The following ANKRD45 variants were observed in gnomAD, a reference collection of about 807,000 sequenced individuals.
ANKRD45 encodes the protein ankyrin repeat domain 45, also known as ankyrin repeat domain-containing protein 45.
In ANKRD45, 21 loss-of-function variants were observed where a neutral mutation model predicts 28.1. The observed-to-expected ratio is 0.75, with a 90% CI of 0.53 to 1.08. The LOEUF is 1.08. ANKRD45 is among the 50% of genes least tolerant of loss of function. The pLI is 0.00. For missense variants in ANKRD45, 261 were observed against 308.7 expected (o/e 0.85, Z 1.16); for synonymous variants, 86 against 103.9 (o/e 0.83, Z 1.05).
intron 2 of ANKRD45, chr1:173,658,616 G>A (rs1432618061): frequency 6.6e-6 from 1 of 151,802 alleles, no homozygotes; most frequent in Admixed American, 6.6e-5. Context: ...TTTGCAATCT[G>A]AAAAAATAAT....
At chr1:173,691,137 A>T in the ANKRD45 span, among the ~76,000 whole-genome samples, 1 of 152,124 alleles carries the variant, frequency 6.6e-6, no homozygotes, top group Non-Finnish European at 1.5e-5. Context: ...CCAGGGAAAT[A>T]CTTTACTGGC....
the ANKRD45 span, among the ~76,000 whole-genome samples, chr1:173,695,655 G>A: frequency 3.9e-5 from 6 of 152,252 alleles, no homozygotes; most frequent in Admixed American, 6.5e-5. Context: ...CTAGTGCTGC[G>A]ATAAGCATAT....
At chr1:173,619,565 T>C (rs148583369) in intron 5 of ANKRD45, among the ~76,000 whole-genome samples, 2 of 152,232 alleles carry the variant, frequency 1.3e-5, no homozygotes, top group African/African-American at 4.8e-5. Context: ...TGGTGGCTCA[T>C]GCCTGTAATC....
the ANKRD45 span, among the ~76,000 whole-genome samples, chr1:173,697,497 T>TG: frequency 6.6e-6 from 1 of 151,894 alleles, no homozygotes; most frequent in African/African-American, 2.4e-5. Context: ...CAGAAGAGAG[T>TG]GGGGGCCAAT....
At chr1:173,620,940 A>C (rs910752979) in intron 5 of ANKRD45, among the ~76,000 whole-genome samples, 18 of 152,194 alleles carry the variant, frequency 1.2e-4, no homozygotes, top group Non-Finnish European at 2.1e-4. Context: ...GAAAAGCAGA[A>C]GAATCAAATA....
chr1:173,616,565 G>T (rs182902382), intron 5 of ANKRD45, among the ~76,000 whole-genome samples: 1 of 152,252 alleles, frequency 6.6e-6, no homozygotes, highest in East Asian at 1.9e-4. Flanking sequence ...TAAGGTGTGA[G>T]AATTATATCT....
chr1:173,702,312 A>G, the ANKRD45 span, among the ~76,000 whole-genome samples: 186 of 152,344 alleles, frequency 1.2e-3, no homozygotes, highest in African/African-American at 4.3e-3. Flanking sequence ...AGAAGTATCA[A>G]TGTACCTCCA....
At chr1:173,699,502 G>T in the ANKRD45 span, among the ~76,000 whole-genome samples, 1 of 152,100 alleles carries the variant, frequency 6.6e-6, no homozygotes, top group Non-Finnish European at 1.5e-5. Context: ...ACCCTGGGAT[G>T]CAAGGCTGGT....
intron 1 of ANKRD45, among the ~76,000 whole-genome samples, chr1:173,665,705 T>G (rs1376083555): frequency 6.6e-6 from 1 of 152,168 alleles, no homozygotes; most frequent in African/African-American, 2.4e-5. Flanking sequence ...AAATTAATAT[T>G]TATATTGGAA....
At chr1:173,665,925 A>G (rs1243838558) in intron 1 of ANKRD45, among the ~76,000 whole-genome samples, 2 of 152,036 alleles carry the variant, frequency 1.3e-5, no homozygotes, top group African/African-American at 4.8e-5. Context: ...GAGGTGAGAG[A>G]ATCGCTTGAG....
At position 173,632,538 on chromosome 1, in the gene ANKRD45, A is replaced by G. The variant is rs567189689; in HGVS notation, c.497-5379T>C. On this transcript the variant is annotated intron_variant, in intron 3 of 5. Coordinates refer to ENST00000333279, the MANE Select transcript of ANKRD45 (RefSeq NM_198493.3). ...CGGACAAAGACACATCAAAAAAAAA[A>G]AAAACAAAACAAAACCCCAAAACTA... is the stretch of plus-strand genomic sequence containing the variant. Among the ~76,000 whole-genome samples, 4 of 151,854 alleles carry G rather than the reference A, an allele frequency of 2.6e-5. No homozygotes were observed. In the East Asian group the frequency reaches 7.7e-4, roughly 29 times the overall value.
rs374030399 is a variant in ANKRD45, at chr1:173,659,081, G to T, written c.328+10C>A. ...TAAGTAATACTGATGAGAGAAAAAA[G>T]ACAAAATACCTCTGGTGGTTTTTTC... is the stretch of plus-strand genomic sequence containing the variant. On this transcript the variant is annotated intron_variant, in intron 2 of 5. Coordinates refer to ENST00000333279, the MANE Select transcript of ANKRD45 (RefSeq NM_198493.3). 318 of 1,610,656 alleles carry T rather than the reference G, an allele frequency of 2.0e-4. No homozygotes were observed. Among genetic ancestry groups the T allele is most frequent in the Admixed American group, 2.2e-4 (13 of 59,470 alleles).
At chr1:173,693,004 GC>G in the ANKRD45 span, among the ~76,000 whole-genome samples, 1 of 151,890 alleles carries the variant, frequency 6.6e-6, no homozygotes, top group Non-Finnish European at 1.5e-5. Context: ...GAATTTCTTG[GC>G]CGGTCATGGT....
At chr1:173,705,501 GAA>G in the ANKRD45 span, among the ~76,000 whole-genome samples, 4 of 126,038 alleles carry the variant, frequency 3.2e-5, no homozygotes, top group Admixed American at 8.2e-5. Context: ...TGTCTCTATA[GAA>G]AAAAAAAAAA....
the ANKRD45 span, among the ~76,000 whole-genome samples, chr1:173,687,693 G>C: frequency 2.0e-5 from 3 of 152,054 alleles, no homozygotes; most frequent in Non-Finnish European, 4.4e-5. Flanking sequence ...TGTACAGATG[G>C]TTCCTTCCTG....
At chr1:173,673,312 C>A (rs1670316527), upstream of ANKRD45, among the ~76,000 whole-genome samples, 1 of 151,854 alleles carries the variant, frequency 6.6e-6, no homozygotes, top group Non-Finnish European at 1.5e-5. Context: ...GGGGTTACAC[C>A]ATGTTGGGCA....
At chr1:173,633,998 C>A (rs1035518849) in intron 3 of ANKRD45, among the ~76,000 whole-genome samples, 3 of 151,796 alleles carry the variant, frequency 2.0e-5, no homozygotes, top group African/African-American at 7.3e-5. Flanking sequence ...GGGATTATTA[C>A]GTTAAAAAGC....
intron 1 of ANKRD45, among the ~76,000 whole-genome samples, chr1:173,659,658 A>G (rs939515890): frequency 6.6e-6 from 1 of 152,206 alleles, no homozygotes; most frequent in African/African-American, 2.4e-5. Flanking sequence ...AAAATGTTAA[A>G]TGTGTGAAAT....
At chr1:173,705,146 C>T in the ANKRD45 span, among the ~76,000 whole-genome samples, 10 of 152,148 alleles carry the variant, frequency 6.6e-5, no homozygotes, top group African/African-American at 1.9e-4. Context: ...TTCTAGCATC[C>T]GGTGGATTGT....
Sources: gnomAD v4.1 joint callset for allele counts (sites outside exome capture counted in the v4.1 genomes callset) on GRCh38, gnomAD v4.1.1 for gene constraint, MANE v1.5 for transcripts, NCBI Gene and HGNC (gene_info 2026-07-23, HGNC 2026-07-21) for gene names.